The following SOX5 variants were observed in gnomAD, a reference collection of about 807,000 sequenced individuals.
SOX5 encodes the protein SRY-box transcription factor 5.
In SOX5, 9 loss-of-function variants were observed where a neutral mutation model predicts 92.0. The observed-to-expected ratio is 0.10, with a 90% confidence interval of 0.06 to 0.17. SOX5 has a LOEUF of 0.17. SOX5 is among the 10% of genes least tolerant of loss of function. The pLI is 1.00. For missense variants in SOX5, 642 were observed against 944.5 expected (o/e 0.68, Z 4.20); for synonymous variants, 344 against 336.3 (o/e 1.02, Z -0.25).
intron 2 of SOX5, among the ~76,000 whole-genome samples, chr12:24,320,682 A>G (rs1384271692): frequency 2.6e-5 from 4 of 151,924 alleles, no homozygotes; most frequent in Non-Finnish European, 5.9e-5. Context: ...TGGCTAACAC[A>G]GTGAAACCTC....
chr12:23,991,187 C>G (rs1178300139), intron 4 of SOX5, among the ~76,000 whole-genome samples: 1 of 73,948 alleles, frequency 1.4e-5, no homozygotes, highest in African/African-American at 4.3e-5. Context: ...GATCCCGTCT[C>G]TGCAAAAAAA....
intron 6 of SOX5, among the ~76,000 whole-genome samples, chr12:23,680,126 G>C (rs150011868): frequency 0.012 from 1,788 of 151,860 alleles, 46 homozygotes; most frequent in African/African-American, 0.041. Context: ...AGGAGTTCTA[G>C]AGCAGCCTGG....
intron 9 of SOX5, among the ~76,000 whole-genome samples, chr12:23,580,709 T>C (rs1949920929): frequency 6.6e-6 from 1 of 152,036 alleles, no homozygotes. Flanking sequence ...AACATATAGG[T>C]CTGGGATGTT....
At chr12:23,696,594 A>C (rs2089906986) in intron 6 of SOX5, among the ~76,000 whole-genome samples, 1 of 151,968 alleles carries the variant, frequency 6.6e-6, no homozygotes, top group African/African-American at 2.4e-5. Flanking sequence ...CTTATTTTAC[A>C]TTTCTATTTT....
At chr12:24,326,672 A>G (rs1950720032) in intron 2 of SOX5, among the ~76,000 whole-genome samples, 1 of 151,898 alleles carries the variant, frequency 6.6e-6, no homozygotes, top group Non-Finnish European at 1.5e-5. Context: ...TCCTGCCCTC[A>G]CCTTTTTCAG....
chr12:24,544,242 G>T (rs535105747), intron 1 of SOX5, among the ~76,000 whole-genome samples: 1 of 152,114 alleles, frequency 6.6e-6, no homozygotes, highest in Non-Finnish European at 1.5e-5. Context: ...TTATAAACTC[G>T]TCTGAGTTTT....
Position 23,534,435 on chromosome 12 carries a change from G to A in SOX5, c.2076C>T (p.Pro692=), listed in dbSNP as rs199745484. 1.3e-5 allele frequency: 21 copies of A among 1,614,050 alleles called. No homozygotes were observed. The Admixed American group carries it at 2.2e-4, about 17-fold the overall frequency. ...AMAGMPSPHL[P]SEHSSVSSSP... ...TGCTAGACACGCTTGAGTGCTCCGA[G>A]GGCAGGTGAGGGGAGGGCATCCCAG... The change falls in exon 15 of 15, where the codon CCC becomes CCT. Residue 692 remains proline, a synonymous_variant. Coordinates refer to ENST00000451604, the MANE Select transcript of SOX5 (RefSeq NM_006940.6).
chr12:23,925,205 A>G (rs1939611700), intron 1 of SOX5, among the ~76,000 whole-genome samples: 1 of 152,118 alleles, frequency 6.6e-6, no homozygotes, highest in African/African-American at 2.4e-5. Context: ...TATTTTAGGT[A>G]GAATTCAATG....
chr12:24,013,583 A>G (rs1245265747), intron 4 of SOX5, among the ~76,000 whole-genome samples: 4 of 152,156 alleles, frequency 2.6e-5, no homozygotes. Flanking sequence ...TTACACAGTA[A>G]AAAGATACTT....
intron 4 of SOX5, among the ~76,000 whole-genome samples, chr12:23,958,690 G>T (rs1392276213): frequency 4.1e-5 from 6 of 147,280 alleles, no homozygotes; most frequent in African/African-American, 1.5e-4. Flanking sequence ...AATTATAAAA[G>T]TGTTATTTTA....
intron 2 of SOX5, among the ~76,000 whole-genome samples, chr12:23,884,997 T>C (rs1016708589): frequency 1.3e-5 from 2 of 152,208 alleles, no homozygotes; most frequent in Non-Finnish European, 2.9e-5. Context: ...ACATTGCTTT[T>C]TATGTTCTAT....
intron 7 of SOX5, among the ~76,000 whole-genome samples, chr12:23,664,870 C>A (rs2083560592): frequency 2.6e-5 from 4 of 152,040 alleles, no homozygotes; most frequent in Admixed American, 2.6e-4. Context: ...AGAAAATATA[C>A]AGAATCCAAA....
intron 1 of SOX5, among the ~76,000 whole-genome samples, chr12:24,373,053 G>A (rs1214259716): frequency 6.6e-6 from 1 of 151,920 alleles, no homozygotes; most frequent in Admixed American, 6.6e-5. Flanking sequence ...GGGAAGTGGA[G>A]GCTGCAGGGA....
chr12:23,761,912 AT>A (rs948694661), intron 3 of SOX5, among the ~76,000 whole-genome samples: 1 of 152,134 alleles, frequency 6.6e-6, no homozygotes, highest in African/African-American at 2.4e-5. Flanking sequence ...TAGTGCATTT[AT>A]TTAACCGAAT....
chr12:23,548,022 G>T (rs962749757), intron 11 of SOX5, among the ~76,000 whole-genome samples: 1 of 151,922 alleles, frequency 6.6e-6, no homozygotes, highest in Non-Finnish European at 1.5e-5. Flanking sequence ...GAAAACACAC[G>T]CACACATACA....
intron 3 of SOX5, among the ~76,000 whole-genome samples, chr12:24,263,363 T>C (rs1942469809): frequency 1.3e-5 from 2 of 150,224 alleles, no homozygotes. Context: ...CCGTCTCTAC[T>C]AAAAACACAA....
chr12:23,584,114 C>G (rs1372451795), intron 9 of SOX5, among the ~76,000 whole-genome samples: 2 of 152,068 alleles, frequency 1.3e-5, no homozygotes, highest in Non-Finnish European at 2.9e-5. Flanking sequence ...AAAGGAATTA[C>G]TATCAAAAGG....
In SOX5 at chr12:24,053,939, G is replaced by A. The variant is rs938828230; in HGVS notation, c.-1-157915C>T. Among the ~76,000 whole-genome samples the A allele has an allele frequency of 7.9e-5, 12 of 152,274 alleles. 1 individual carries two copies. Among genetic ancestry groups the A allele is most frequent in the Admixed American group, 5.2e-4 (8 of 15,306 alleles). ...TATGCAGGGAGGATAAGTGACTTGCGCAAAGCCTTAGAGCAGTGAAGTAAT... is the reference window on the plus strand; with the variant it reads ...TATGCAGGGAGGATAAGTGACTTGCACAAAGCCTTAGAGCAGTGAAGTAAT... On this transcript the variant is annotated intron_variant, in intron 4 of 4. Coordinates refer to the SOX5 transcript ENST00000446891.
At position 23,654,194 on chromosome 12, in the gene SOX5, G is replaced by T. The variant is rs559994192; in HGVS notation, c.931+11250C>A. 2.0e-5 allele frequency among the ~76,000 whole-genome samples: 3 copies of T among 152,102 alleles called. No individual in the cohort carries two copies. The South Asian group carries it at 6.2e-4, about 32-fold the overall frequency. On this transcript the variant is annotated intron_variant, in intron 7 of 14. Transcript: ENST00000451604. ...CAGAGAGGCCTAGAATTTAGGGGTA[G>T]GAGGAAATCAGGACCCAGAGAAGGT...
Sources: allele counts gnomAD v4.1 joint callset (sites outside exome capture counted in the v4.1 genomes callset), GRCh38; gene constraint gnomAD v4.1.1; transcripts MANE v1.5; gene names NCBI Gene and HGNC (gene_info 2026-07-23, HGNC 2026-07-21).